CD163L1: variants seen among roughly 807,000 people sequenced by gnomAD.
The protein encoded by CD163L1 is CD163 molecule like 1.
Under a neutral mutation model 165.4 loss-of-function variants are expected in CD163L1, and 124 were observed. The observed-to-expected ratio is 0.75, with a 90% CI of 0.65 to 0.87. CD163L1 has a LOEUF of 0.87. CD163L1 is among the 40% of genes least tolerant of loss of function. The probability of loss-of-function intolerance (pLI) is 0.00; values close to 1 mark genes in which losing one functional copy is unlikely to be tolerated. For synonymous variants in CD163L1, 585 were observed against 662.2 expected (o/e 0.88, Z 1.79); for missense variants, 1,525 against 1,799.9 (o/e 0.85, Z 2.76).
At chr12:7,439,558 G>A (rs1268787602) in intron 2 of CD163L1, 1 of 1,576,660 alleles carries the variant, frequency 6.3e-7, no homozygotes, top group Non-Finnish European at 8.6e-7. Flanking sequence ...ATCTTCTTTT[G>A]TCTTACTTTG....
intron 4 of CD163L1, among the ~76,000 whole-genome samples, chr12:7,413,294 C>T (rs1948174621): frequency 6.6e-6 from 1 of 152,030 alleles, no homozygotes; most frequent in African/African-American, 2.4e-5. Flanking sequence ...GAGTGCCTGG[C>T]TTTCCTAGCC....
intron 18 of CD163L1, among the ~76,000 whole-genome samples, chr12:7,361,660 T>C (rs929438529): frequency 3.3e-5 from 5 of 152,190 alleles, no homozygotes; most frequent in South Asian, 2.1e-4. Flanking sequence ...GATGGGCTTT[T>C]TTAGGAGTCC....
At chr12:7,322,622 C>A in the CD163L1 span, 1 of 1,489,984 alleles carries the variant, frequency 6.7e-7, no homozygotes, top group East Asian at 2.3e-5. Flanking sequence ...CTGAAGTGCC[C>A]CCATCCCACT....
intron 2 of CD163L1, among the ~76,000 whole-genome samples, chr12:7,434,766 G>C (rs922486855): frequency 2.0e-5 from 3 of 152,036 alleles, no homozygotes; most frequent in African/African-American, 4.8e-5. Context: ...AATAGAAAAG[G>C]CTTCCCAGTT....
chr12:7,370,374 T>C (rs1348128232), intron 14 of CD163L1, among the ~76,000 whole-genome samples: 1 of 152,230 alleles, frequency 6.6e-6, no homozygotes, highest in Non-Finnish European at 1.5e-5. Flanking sequence ...TTATCATTTT[T>C]ATGTTTCATT....
intron 8 of CD163L1, among the ~76,000 whole-genome samples, chr12:7,388,612 C>T (rs186895963): frequency 7.9e-5 from 12 of 151,922 alleles, no homozygotes; most frequent in Admixed American, 3.9e-4. Context: ...GGTGTGATGG[C>T]GCATGCCAGT....
chr12:7,421,360 T>TATATAC (rs1948383043), intron 4 of CD163L1, among the ~76,000 whole-genome samples: 1 of 112,532 alleles, frequency 8.9e-6, no homozygotes, highest in Non-Finnish European at 1.7e-5. Context: ...TATATATGTG[T>TATATAC]ATATATGTAT....
chr12:7,319,380 A>G, the CD163L1 span, among the ~76,000 whole-genome samples: 1 of 152,122 alleles, frequency 6.6e-6, no homozygotes, highest in Non-Finnish European at 1.5e-5. Flanking sequence ...TCACGAGGTC[A>G]GGAGTTCAAG....
chr12:7,344,928 G>A (rs1368962805), downstream of CD163L1, among the ~76,000 whole-genome samples: 1 of 152,206 alleles, frequency 6.6e-6, no homozygotes, highest in African/African-American at 2.4e-5. Context: ...AGGGCAGTAG[G>A]CCCTGGGCCT....
Position 7,374,609 on chromosome 12 carries a change from A to T in CD163L1, c.3242T>A (p.Val1081Glu), listed in dbSNP as rs528528931. The stretch of plus-strand genomic sequence containing the variant: ...AGCAGAGACCGTGGCATTGAAGGCC[A>T]CTCCACAGCCCAGCTTTTGACACAC... Reference protein sequence around the residue: ...HVVCQKLGCGVAFNATVSAHF... With the variant: ...HVVCQKLGCGEAFNATVSAHF... The change falls in exon 13 of 20, where the codon GTG (valine) becomes GAG (glutamate). Residue 1081 changes from valine to glutamate, a missense_variant. Transcript: ENST00000313599. The surrounding 1 kb of genome is among the most constrained non-coding windows in gnomAD (Gnocchi z 5.4). The T allele has an allele frequency of 1.4e-5, 22 of 1,613,710 alleles. No individual in the cohort carries two copies. In the Admixed American group the frequency reaches 2.3e-4, roughly 17 times the overall value.
chr12:7,362,807 T>C (rs116125580), intron 18 of CD163L1, among the ~76,000 whole-genome samples: 4,358 of 150,782 alleles, frequency 0.029, 202 homozygotes, highest in African/African-American at 0.098. Context: ...AAAGAAGTCA[T>C]TTTATGAAAA....
At chr12:7,411,758 AAC>A (rs1051238203) in intron 4 of CD163L1, among the ~76,000 whole-genome samples, 3 of 152,210 alleles carry the variant, frequency 2.0e-5, no homozygotes, top group Non-Finnish European at 2.9e-5. Context: ...CAAATGGACT[AAC>A]ACATCCCCCA....
At chr12:7,357,547 G>C in intron 18 of CD163L1, 61 bp from the exon 19 acceptor site, 4 of 1,376,082 alleles carry the variant, frequency 2.9e-6, no homozygotes, top group Non-Finnish European at 4.1e-6. Context: ...AGAGGGAAGA[G>C]CTGTTAAGTG....
rs59576617 is a variant in CD163L1 at position 7,368,967 on chromosome 12, T to TGAGAGA, written c.4040-8_4040-3dup. 1.8e-4 allele frequency: 277 copies of TGAGAGA among 1,543,140 alleles called. No individual in the cohort carries two copies. The highest frequency in any genetic ancestry group is 6.0e-4 in the East Asian group (26 of 43,384). ...CATTCAGTGATTTCAGCGACTGTCC[T>TGAGAGA]GAGAGAGAGAGAGAGAGAGAGAGAC... On this transcript the variant is annotated splice_region_variant and splice_polypyrimidine_tract_variant and intron_variant, in intron 15 of 19. Coordinates refer to ENST00000313599, the MANE Select transcript of CD163L1 (RefSeq NM_174941.6). The surrounding 1 kb of genome is among the most constrained non-coding windows in gnomAD (Gnocchi z 4.3).
At position 7,398,283 on chromosome 12, in the gene CD163L1, A is replaced by T. The variant is rs1209515581; in HGVS notation, c.1710T>A (p.Asp570Glu). 4 of 1,613,832 alleles carry T rather than the reference A, an allele frequency of 2.5e-6. No homozygotes were observed. The Admixed American group carries it at 5.0e-5, about 20-fold the overall frequency. ...WGKHNCVHREDVIVTCSGDAT... is the reference protein window; with the variant it reads ...WGKHNCVHREEVIVTCSGDAT... ...TCTTACCTGAGCAGGTTACAATCACATCCTCTCTGTGTACACAATTATGCT... is the reference window on the plus strand; with the variant it reads ...TCTTACCTGAGCAGGTTACAATCACTTCCTCTCTGTGTACACAATTATGCT... Residue 570 changes from aspartate (D) to glutamate (E), a missense_variant, in exon 7 of 20, where the codon GAT (aspartate) becomes GAA (glutamate). Physicochemically the swap from Asp to Glu is conservative, Grantham distance 45. Coordinates refer to ENST00000313599, the MANE Select transcript of CD163L1 (RefSeq NM_174941.6). This position sits in a 1 kb window ranked among gnomAD's most constrained non-coding sequence, Gnocchi z 4.5.
chr12:7,383,360 G>A (rs12301759), intron 8 of CD163L1, among the ~76,000 whole-genome samples: 2,935 of 152,160 alleles, frequency 0.019, 84 homozygotes, highest in African/African-American at 0.064. Flanking sequence ...AGTGTATACC[G>A]GCTGGGAACC....
At position 7,421,553 on chromosome 12, in the gene CD163L1, ATACATATATGTACATATATACATG is replaced by A. The variant is rs1565810526; in HGVS notation, c.766+10839_766+10862del. On this transcript the variant is annotated intron_variant, in intron 4 of 19. Transcript: ENST00000313599. ...TATACATATACGTACACATATACAT[ATACATATATGTACATATATACATG>A]TACATATATACATATACATATATGT... Among the ~76,000 whole-genome samples, 45 of 137,704 alleles carry A rather than the reference ATACATATATGTACATATATACATG, an allele frequency of 3.3e-4. 2 individuals are homozygous for A. The highest frequency in any genetic ancestry group is 1.1e-3 in the African/African-American group (41 of 37,306). 90.3% of individuals were successfully genotyped at this position (137,704 alleles called of 152,430 possible). A position where few individuals can be genotyped will look rare whatever the true frequency, so the allele number is the denominator to read the frequency against.
intron 1 of CD163L1, among the ~76,000 whole-genome samples, chr12:7,441,540 T>C (rs1298002119): frequency 6.6e-6 from 1 of 152,174 alleles, no homozygotes; most frequent in African/African-American, 2.4e-5. Context: ...GGTAATTGAT[T>C]AGCATTTTGG....
chr12:7,375,976 A>T lies in CD163L1; in HGVS notation c.2410T>A (p.Cys804Ser), dbSNP rs750914582. The T allele has an allele frequency of 6.2e-7, 1 of 1,614,234 alleles. No homozygotes were observed. The highest frequency in any genetic ancestry group is 2.2e-5 in the East Asian group (1 of 44,886). Reference protein sequence around the residue: ...QPRLVGADMPCSGRVEVKHAD... With the variant: ...QPRLVGADMPSSGRVEVKHAD... ...TGTTTCACTTCAACACGTCCAGAGC[A>T]GGGCATATCAGCTCCAACCAGCCTG... Residue 804 changes from cysteine to serine, a missense_variant, in exon 10 of 20, where the codon TGC becomes AGC. Coordinates refer to ENST00000313599, the MANE Select transcript of CD163L1 (RefSeq NM_174941.6).
Sources: gnomAD v4.1 joint callset for allele counts (sites outside exome capture counted in the v4.1 genomes callset) on GRCh38, gnomAD v4.1.1 for gene constraint, Gnocchi (gnomAD v3.1) non-coding constraint, MANE v1.5 for transcripts, NCBI Gene and HGNC (gene_info 2026-07-23, HGNC 2026-07-21) for gene names.